The following FRAS1 variants were observed in gnomAD, a reference collection of about 807,000 sequenced individuals.
FRAS1 encodes the protein Fraser extracellular matrix complex subunit 1, also known as extracellular matrix organizing protein FRAS1.
In FRAS1, 290 loss-of-function variants were observed where a neutral mutation model predicts 435.2. The observed-to-expected ratio is 0.67, with a 90% CI of 0.61 to 0.73. The LOEUF is 0.73. Among genes scored for constraint, FRAS1 ranks in the 30% least tolerant of loss-of-function variants. The pLI, the probability that FRAS1 is intolerant of heterozygous loss-of-function variation, is 0.00. For missense variants in FRAS1, 4,860 were observed against 5,001.5 expected (o/e 0.97, Z 0.85); for synonymous variants, 1,800 against 1,851.0 (o/e 0.97, Z 0.71).
chr4:78,153,401 TA>T (rs1720756081), intron 2 of FRAS1, among the ~76,000 whole-genome samples: 1 of 152,170 alleles, frequency 6.6e-6, no homozygotes, highest in Non-Finnish European at 1.5e-5. Context: ...CTTCTGAAAC[TA>T]ACAAGATTTT....
chr4:78,336,771 A>C (rs1730185716), intron 19 of FRAS1, among the ~76,000 whole-genome samples: 1 of 152,018 alleles, frequency 6.6e-6, no homozygotes, highest in Non-Finnish European at 1.5e-5. Flanking sequence ...GTTCCTGCAA[A>C]ATCTACCCAG....
intron 2 of FRAS1, among the ~76,000 whole-genome samples, chr4:78,176,293 G>C (rs1247502856): frequency 6.6e-6 from 1 of 152,144 alleles, no homozygotes; most frequent in African/African-American, 2.4e-5. Flanking sequence ...CATCCCATTT[G>C]TTCTCCTACT....
At chr4:78,416,840 T>C (rs1444873333) in intron 32 of FRAS1, among the ~76,000 whole-genome samples, 3 of 151,970 alleles carry the variant, frequency 2.0e-5, no homozygotes, top group African/African-American at 7.3e-5. Flanking sequence ...AGAGAGCAAT[T>C]GGGAGGCCAC....
intron 42 of FRAS1, 72 bp from the exon 43 acceptor site, chr4:78,446,655 G>A: frequency 1.3e-6 from 2 of 1,542,050 alleles, no homozygotes; most frequent in South Asian, 2.6e-5. Context: ...CAATGATACT[G>A]TCTCTGAATA....
chr4:78,487,033 C>T lies in FRAS1; in HGVS notation c.8753-1842C>T, dbSNP rs1578353201. 3.3e-5 allele frequency among the ~76,000 whole-genome samples: 5 copies of T among 152,296 alleles called. 1 individual carries two copies. Among genetic ancestry groups the T allele is most frequent in the Admixed American group, 3.3e-4 (5 of 15,290 alleles). On this transcript the variant is annotated intron_variant, in intron 58 of 73. Transcript: ENST00000512123. ...GCCAGCAAGAAAAAACAATCTAAAG[C>T]TTCAGATATCTGCTGGGAGCGGAAA...
At chr4:78,125,231 T>A (rs978578529) in intron 2 of FRAS1, among the ~76,000 whole-genome samples, 19 of 152,252 alleles carry the variant, frequency 1.2e-4, no homozygotes, top group Admixed American at 5.2e-4. Flanking sequence ...TATTTCTGAC[T>A]TTATTTGGTT....
chr4:78,209,671 C>G (rs1723421284), intron 2 of FRAS1, among the ~76,000 whole-genome samples: 1 of 152,160 alleles, frequency 6.6e-6, no homozygotes, highest in Admixed American at 6.5e-5. Context: ...GAGGTTTGTG[C>G]AGTTCTGTGG....
intron 47 of FRAS1, among the ~76,000 whole-genome samples, chr4:78,462,562 C>T (rs1445452329): frequency 2.6e-5 from 4 of 151,970 alleles, no homozygotes; most frequent in African/African-American, 9.7e-5. Context: ...ATTAGGTGAC[C>T]AGTTGATGGT....
intron 2 of FRAS1, among the ~76,000 whole-genome samples, chr4:78,084,702 C>A (rs1035754507): frequency 2.6e-5 from 4 of 152,064 alleles, no homozygotes; most frequent in Non-Finnish European, 5.9e-5. Context: ...ACATTTCCTG[C>A]TCTAGTCCTA....
chr4:78,264,687 TA>T (rs1408421861), intron 6 of FRAS1, among the ~76,000 whole-genome samples: 3 of 152,186 alleles, frequency 2.0e-5, no homozygotes, highest in African/African-American at 4.8e-5. Context: ...TTCTCTTTTG[TA>T]AAGCAAGGAT....
intron 11 of FRAS1, among the ~76,000 whole-genome samples, chr4:78,282,590 C>T (rs763423725): frequency 3.0e-4 from 40 of 134,084 alleles, no homozygotes; most frequent in Non-Finnish European, 1.3e-4. Context: ...TAAAATCTTT[C>T]GGCTGGTTCT....
intron 2 of FRAS1, among the ~76,000 whole-genome samples, chr4:78,218,289 C>A (rs1257754023): frequency 6.6e-6 from 1 of 151,324 alleles, no homozygotes; most frequent in African/African-American, 2.4e-5. Context: ...GCTTGAAATA[C>A]AGCACACTAG....
At chr4:78,162,722 G>A (rs1433659882) in intron 2 of FRAS1, among the ~76,000 whole-genome samples, 6 of 152,140 alleles carry the variant, frequency 3.9e-5, no homozygotes, top group Non-Finnish European at 5.9e-5. Context: ...CTTCAGAAAC[G>A]GGAGTTATTT....
intron 2 of FRAS1, among the ~76,000 whole-genome samples, chr4:78,080,476 G>T (rs1190279904): frequency 1.3e-5 from 2 of 152,118 alleles, no homozygotes; most frequent in Non-Finnish European, 1.5e-5. Context: ...GCAAGAAGTC[G>T]ATTAAAGTAT....
chr4:78,506,184 C>A (rs1720834441), intron 61 of FRAS1, among the ~76,000 whole-genome samples: 1 of 152,198 alleles, frequency 6.6e-6, no homozygotes, highest in Non-Finnish European at 1.5e-5. Context: ...GAGATGTCTC[C>A]CAGTTAGGCT....
chr4:78,284,404 G>A lies in FRAS1; in HGVS notation c.1256-1G>A, dbSNP rs777563217. The A allele has an allele frequency of 1.2e-6, 2 of 1,613,722 alleles. No homozygotes were observed. The highest frequency in any genetic ancestry group is 2.2e-5 in the South Asian group (2 of 91,062). The stretch of plus-strand genomic sequence containing the variant: ...CTCCCCTTCTTTGTCCTTGATTTCA[G>A]TTCATTGCCATCCAGATTGTTTGAC... On this transcript the variant is annotated splice_acceptor_variant, in intron 12 of 73. Coordinates refer to ENST00000512123, the MANE Select transcript of FRAS1 (RefSeq NM_025074.7). LOFTEE classifies it high-confidence loss of function.
intron 12 of FRAS1, among the ~76,000 whole-genome samples, chr4:78,283,287 A>G (rs1161572512): frequency 6.6e-6 from 1 of 152,236 alleles, no homozygotes; most frequent in Non-Finnish European, 1.5e-5. Context: ...AGACTTGTAA[A>G]GGTAAATCTG....
At chr4:78,315,506 AC>A in intron 15 of FRAS1, 87 bp from the exon 16 acceptor site, 1 of 1,306,322 alleles carries the variant, frequency 7.7e-7, no homozygotes, top group Non-Finnish European at 1.0e-6. Flanking sequence ...TGATATTGAT[AC>A]CCATTGTGGA....
chr4:78,081,501 C>T (rs4437284), intron 2 of FRAS1, among the ~76,000 whole-genome samples: 101,681 of 151,998 alleles, frequency 0.67, 35,403 homozygotes, highest in East Asian at 0.95. Context: ...ATGTGAACTC[C>T]CCCTATCCAG....
Sources: gnomAD v4.1 joint callset for allele counts (sites outside exome capture counted in the v4.1 genomes callset) on GRCh38, gnomAD v4.1.1 for gene constraint, MANE v1.5 for transcripts, NCBI Gene and HGNC (gene_info 2026-07-23, HGNC 2026-07-21) for gene names.